Variants in NAA60 observed in about 807,000 individuals in gnomAD.
The protein encoded by NAA60 is N-alpha-acetyltransferase 60.
In NAA60, 8 loss-of-function variants were observed where a neutral mutation model predicts 26.1. The ratio of observed to expected loss-of-function variants is 0.31; its 90% confidence interval spans 0.18 to 0.55. The LOEUF is 0.55. Ranked by LOEUF, NAA60 falls within the 20% of genes least tolerant of loss-of-function variation. NAA60 has a pLI of 0.93. For synonymous variants in NAA60, 131 were observed against 122.5 expected (o/e 1.07, Z -0.46); for missense variants, 290 against 311.3 (o/e 0.93, Z 0.51).
At chr16:3,455,633 G>C (rs1269451264) in intron 2 of NAA60, among the ~76,000 whole-genome samples, 1 of 152,022 alleles carries the variant, frequency 6.6e-6, no homozygotes, top group African/African-American at 2.4e-5. Flanking sequence ...CTGACCTCGT[G>C]ATCCGCCTGC....
chr16:3,454,281 C>CT (rs904783633), intron 2 of NAA60, among the ~76,000 whole-genome samples: 3 of 152,168 alleles, frequency 2.0e-5, no homozygotes, highest in African/African-American at 7.2e-5. Context: ...TGGTATGTCG[C>CT]TACACTGCAG....
chr16:3,480,056 C>G (rs942816883), intron 4 of NAA60, among the ~76,000 whole-genome samples: 3 of 152,080 alleles, frequency 2.0e-5, no homozygotes, highest in African/African-American at 7.2e-5. Context: ...ATCTAAGAAC[C>G]CTTTGGGCAT....
intron 2 of NAA60, among the ~76,000 whole-genome samples, chr16:3,466,791 C>T (rs78266916): frequency 0.061 from 9,286 of 152,122 alleles, 381 homozygotes; most frequent in Middle Eastern, 0.086. Flanking sequence ...TGTGAGCTGC[C>T]TGGAGTTTGG....
chr16:3,483,294 C>T lies in NAA60; in HGVS notation c.338-69C>T, dbSNP rs1482593212. On this transcript the variant is annotated intron_variant, in intron 5 of 7. Coordinates refer to ENST00000407558, the MANE Select transcript of NAA60 (RefSeq NM_001083601.3). ...TCTCCGAGAGACTCATGCAAAGCCCCCATCCTAGCCCAGTCATCCTTCCTT... is the reference window on the plus strand; with the variant it reads ...TCTCCGAGAGACTCATGCAAAGCCCTCATCCTAGCCCAGTCATCCTTCCTT... The T allele has an allele frequency of 2.6e-6, 3 of 1,164,894 alleles. No homozygotes were observed. In the East Asian group the frequency reaches 7.6e-5, roughly 30 times the overall value. The allele number at this position is 1,164,894 out of a possible 1,614,324, so 72.2% of individuals were successfully genotyped here.
At chr16:3,448,025 A>G (rs2034622949) in intron 1 of NAA60, among the ~76,000 whole-genome samples, 1 of 152,174 alleles carries the variant, frequency 6.6e-6, no homozygotes, top group South Asian at 2.1e-4. Flanking sequence ...CTGAATAATT[A>G]TCGTTACTAG....
At chr16:3,479,314 CAGTT>C (rs1463336296) in intron 3 of NAA60, among the ~76,000 whole-genome samples, 153 bp from the exon 4 acceptor site, 1 of 152,188 alleles carries the variant, frequency 6.6e-6, no homozygotes, top group African/African-American at 2.4e-5. Flanking sequence ...GTGGCTGTGA[CAGTT>C]AGGTAGAGAC....
Position 3,476,300 on chromosome 16 carries a change from A to G in NAA60, c.73A>G (p.Thr25Ala), listed in dbSNP as rs1327769552. The G allele has an allele frequency of 6.2e-7, 1 of 1,613,718 alleles. No homozygotes were observed. The highest frequency in any genetic ancestry group is 8.5e-7 in the Non-Finnish European group (1 of 1,179,744). ...LRLLCHDDID[T>A]VKHLCGDWFP... The stretch of plus-strand genomic sequence containing the variant: ...CCTCCTCTGCCACGATGACATAGAC[A>G]CTGTGAAGCACCTGTGTGGCGACTG... Residue 25 changes from threonine to alanine, a missense_variant, in exon 3 of 8, where the codon ACT (threonine) becomes GCT (alanine). Physicochemically the swap from Thr to Ala is moderately conservative, Grantham distance 58. Coordinates refer to ENST00000407558, the MANE Select transcript of NAA60 (RefSeq NM_001083601.3).
intron 4 of NAA60, among the ~76,000 whole-genome samples, chr16:3,480,735 T>C (rs998277502): frequency 1.3e-5 from 2 of 152,074 alleles, no homozygotes; most frequent in African/African-American, 4.8e-5. Flanking sequence ...AAACCTTGTC[T>C]CTACTAAAAG....
intron 2 of NAA60, among the ~76,000 whole-genome samples, chr16:3,472,899 T>C (rs554850061): frequency 4.6e-5 from 7 of 152,368 alleles, no homozygotes; most frequent in African/African-American, 1.4e-4. Context: ...CATCTGTTAA[T>C]ATAAAATATG....
chr16:3,466,712 C>T (rs905881060), intron 2 of NAA60, among the ~76,000 whole-genome samples: 4 of 152,176 alleles, frequency 2.6e-5, no homozygotes, highest in Middle Eastern at 3.4e-3. Context: ...GGTGTGCTAA[C>T]GGGCAGGACT....
At chr16:3,462,104 A>AAAAAAAAAC (rs1414883728) in intron 2 of NAA60, among the ~76,000 whole-genome samples, 2 of 151,652 alleles carry the variant, frequency 1.3e-5, no homozygotes, top group African/African-American at 2.4e-5. Flanking sequence ...AAAAAAAAAA[A>AAAAAAAAAC]ACCTTTCAGT....
At position 3,476,054 on chromosome 16, in the gene NAA60, AG is replaced by A. The variant is rs2036460139; in HGVS notation, c.-6-167del. On this transcript the variant is annotated intron_variant, in intron 2 of 7. Transcript: ENST00000407558. ...TCTTCCCAGCGATGGGGGCGACTGC[AG>A]CGCCTCTTGGGAGGGCGATCGTGAG... 5.1e-6 allele frequency: 3 copies of A among 584,706 alleles called. No individual in the cohort carries two copies. In the East Asian group the frequency reaches 8.8e-5, roughly 17 times the overall value. 36.2% of individuals were successfully genotyped at this position (584,706 alleles called of 1,614,324 possible).
In NAA60 at chr16:3,485,474, A is replaced by G. The variant is rs1266230729; in HGVS notation, c.*214A>G. On this transcript the variant is annotated 3_prime_UTR_variant, in exon 8 of 8. Transcript: ENST00000407558. ...CTCTTCTCTTTCCCACAGGCTCTTC[A>G]GCTCCCCTCCCTGCTTCTGGAAACC... The G allele has an allele frequency of 4.8e-5, 22 of 456,770 alleles. No homozygotes were observed. Among genetic ancestry groups the G allele is most frequent in the Non-Finnish European group, 7.9e-5 (18 of 227,316 alleles). The allele number at this position is 456,770 out of a possible 1,614,324, so 28.3% of individuals were successfully genotyped here.
At chr16:3,485,124 C>A in intron 7 of NAA60, 63 bp downstream of exon 7, 1 of 975,116 alleles carries the variant, frequency 1.0e-6, no homozygotes, top group Non-Finnish European at 1.6e-6. Context: ...AGTGGAAGGC[C>A]CTGGATGGGC....
At chr16:3,458,845 G>A (rs1360616710) in intron 2 of NAA60, among the ~76,000 whole-genome samples, 1 of 152,180 alleles carries the variant, frequency 6.6e-6, no homozygotes, top group Non-Finnish European at 1.5e-5. Flanking sequence ...TACTTCCCAG[G>A]GAGTAAAGGG....
intron 2 of NAA60, among the ~76,000 whole-genome samples, chr16:3,474,885 C>T (rs937780974): frequency 3.9e-5 from 6 of 152,242 alleles, no homozygotes; most frequent in African/African-American, 1.2e-4. Flanking sequence ...AGATGAACTA[C>T]GCAGTTCCTC....
intron 2 of NAA60, chr16:3,458,276 C>A: frequency 1.3e-6 from 1 of 788,272 alleles, no homozygotes; most frequent in Non-Finnish European, 1.5e-6. Flanking sequence ...GTCAGGGGGG[C>A]CAGCGCCCAC....
At chr16:3,466,116 G>A (rs186377404) in intron 2 of NAA60, among the ~76,000 whole-genome samples, 9 of 152,344 alleles carry the variant, frequency 5.9e-5, no homozygotes, top group African/African-American at 1.4e-4. Context: ...CATCGCCATC[G>A]CGCTTCTCAG....
intron 2 of NAA60, among the ~76,000 whole-genome samples, chr16:3,470,328 G>A (rs2036048755): frequency 6.6e-6 from 1 of 152,212 alleles, no homozygotes; most frequent in South Asian, 2.1e-4. Flanking sequence ...CTCCCAGCCT[G>A]TAGGTGAAGG....
Sources: allele counts gnomAD v4.1 joint callset (sites outside exome capture counted in the v4.1 genomes callset), GRCh38; gene constraint gnomAD v4.1.1; transcripts MANE v1.5; gene names NCBI Gene and HGNC (gene_info 2026-07-23, HGNC 2026-07-21).